Variants in LYPD6 observed in about 807,000 individuals in gnomAD.
LYPD6 encodes LY6/PLAUR domain containing 6, also known as ly6/PLAUR domain-containing protein 6.
In LYPD6, 15 loss-of-function variants were observed where a neutral mutation model predicts 22.7. The observed-to-expected ratio is 0.66, with a 90% confidence interval of 0.44 to 1.02. The LOEUF is 1.02. Among genes scored for constraint, LYPD6 ranks in the 50% least tolerant of loss-of-function variants. The pLI, the probability that LYPD6 is intolerant of heterozygous loss-of-function variation, is 0.00. For missense variants in LYPD6, 189 were observed against 208.4 expected, an observed-to-expected ratio of 0.91 and a Z score of 0.57; for synonymous variants, 72 against 77.5, an observed-to-expected ratio of 0.93 and a Z score of 0.37.
chr2:149,458,136 C>T (rs569692155), intron 3 of LYPD6, among the ~76,000 whole-genome samples: 1 of 152,186 alleles, frequency 6.6e-6, no homozygotes. Flanking sequence ...TGACTTCATC[C>T]TCAATAGGCT....
intron 1 of LYPD6, among the ~76,000 whole-genome samples, chr2:149,400,922 AG>A (rs955819419): frequency 2.8e-4 from 42 of 152,358 alleles, no homozygotes; most frequent in Middle Eastern, 6.8e-3. Context: ...AGCTGAAAGC[AG>A]GTATGAAAGC....
At chr2:149,453,000 A>G (rs1262270589) in intron 3 of LYPD6, among the ~76,000 whole-genome samples, 1 of 152,126 alleles carries the variant, frequency 6.6e-6, no homozygotes, top group Non-Finnish European at 1.5e-5. Context: ...TCATAGTACT[A>G]TACTCCCTTC....
chr2:149,385,361 A>C (rs1682160823), intron 1 of LYPD6, among the ~76,000 whole-genome samples: 1 of 152,172 alleles, frequency 6.6e-6, no homozygotes, highest in African/African-American at 2.4e-5. Context: ...CAAGAGGACA[A>C]ACCCAGCAAG....
rs113904092 is a variant in LYPD6, at chr2:149,389,408, C to T, written c.-71-48230C>T. ...AAATTTTGTGGCATAAAAACAGTCA[C>T]AGCTAGGCATGGAACTGGTTTCAGG... On this transcript the variant is annotated intron_variant, in intron 1 of 4. Transcript: ENST00000334166. Among the ~76,000 whole-genome samples, 132 of 152,220 alleles carry T rather than the reference C, an allele frequency of 8.7e-4. 1 individual carries two copies. The highest frequency in any genetic ancestry group is 3.1e-3 in the African/African-American group (128 of 41,540).
At chr2:149,405,650 G>A (rs1032091664) in intron 1 of LYPD6, among the ~76,000 whole-genome samples, 2 of 152,084 alleles carry the variant, frequency 1.3e-5, no homozygotes, top group Non-Finnish European at 2.9e-5. Context: ...CTTGCTAGTG[G>A]TCTATCAATT....
chr2:149,448,704 G>T (rs1683741875), intron 2 of LYPD6, among the ~76,000 whole-genome samples: 1 of 152,176 alleles, frequency 6.6e-6, no homozygotes, highest in Non-Finnish European at 1.5e-5. Flanking sequence ...AGTAGTAATA[G>T]TTCATTCCTT....
intron 2 of LYPD6, 78 bp from the exon 3 acceptor site, chr2:149,448,966 TTAAAA>T: frequency 1.8e-6 from 2 of 1,105,184 alleles, no homozygotes; most frequent in Non-Finnish European, 2.6e-6. Context: ...AATCCTTTCT[TTAAAA>T]TAATGAAAAT....
intron 1 of LYPD6, among the ~76,000 whole-genome samples, chr2:149,352,820 T>A (rs1681383550): frequency 6.6e-6 from 1 of 152,252 alleles, no homozygotes; most frequent in African/African-American, 2.4e-5. Flanking sequence ...TGTAAAATCC[T>A]TTTTAATTTT....
intron 1 of LYPD6, among the ~76,000 whole-genome samples, chr2:149,407,166 G>T (rs547542806): frequency 3.3e-5 from 5 of 152,158 alleles, no homozygotes; most frequent in Non-Finnish European, 7.3e-5. Context: ...GCCCTTAACA[G>T]TTTTTCCTTC....
chr2:149,382,543 C>CTGAAA (rs1682089824), intron 1 of LYPD6, among the ~76,000 whole-genome samples: 1 of 152,090 alleles, frequency 6.6e-6, no homozygotes, highest in Non-Finnish European at 1.5e-5. Flanking sequence ...GATTCTGTGG[C>CTGAAA]CCTATATCAT....
chr2:149,332,172 C>T (rs1281820646), intron 1 of LYPD6, among the ~76,000 whole-genome samples: 2 of 152,202 alleles, frequency 1.3e-5, no homozygotes, highest in African/African-American at 4.8e-5. Context: ...AGGCACCAGA[C>T]TGAAATAAGA....
chr2:149,469,315 A>G lies in LYPD6; in HGVS notation c.348+540A>G, dbSNP rs1432763771. 3.3e-5 allele frequency among the ~76,000 whole-genome samples: 5 copies of G among 152,154 alleles called. No individual in the cohort carries two copies. The East Asian group carries it at 9.6e-4, about 29-fold the overall frequency. On this transcript the variant is annotated intron_variant, in intron 4 of 4. Coordinates refer to ENST00000334166, the MANE Select transcript of LYPD6 (RefSeq NM_194317.5). ...TGTAGAAGCCTGTATACGGAAACAC[A>G]TGGTGCCTATGTACAGAAGCACTCA...
chr2:149,450,242 G>C (rs1462803756), intron 3 of LYPD6, among the ~76,000 whole-genome samples: 2 of 152,130 alleles, frequency 1.3e-5, no homozygotes, highest in African/African-American at 4.8e-5. Flanking sequence ...ATAGATTTCT[G>C]CTCCCACCCA....
At chr2:149,444,694 C>A (rs1242998069) in intron 2 of LYPD6, among the ~76,000 whole-genome samples, 1 of 152,066 alleles carries the variant, frequency 6.6e-6, no homozygotes, top group African/African-American at 2.4e-5. Context: ...ACTCCTCATT[C>A]ACTTAACTTC....
At chr2:149,439,079 T>G (rs983857477) in intron 2 of LYPD6, among the ~76,000 whole-genome samples, 4 of 152,226 alleles carry the variant, frequency 2.6e-5, no homozygotes, top group Non-Finnish European at 5.9e-5. Context: ...TGTAAAACAC[T>G]AGGCCTATAC....
intron 1 of LYPD6, among the ~76,000 whole-genome samples, chr2:149,394,540 G>GT (rs1377350623): frequency 1.3e-5 from 2 of 151,964 alleles, no homozygotes; most frequent in Non-Finnish European, 2.9e-5. Flanking sequence ...AATAAAATTT[G>GT]TTTTTTTGAT....
At chr2:149,443,380 C>T (rs937568401) in intron 2 of LYPD6, among the ~76,000 whole-genome samples, 1 of 152,112 alleles carries the variant, frequency 6.6e-6, no homozygotes, top group Non-Finnish European at 1.5e-5. Context: ...AAATTGGATG[C>T]CCCAGTGAAT....
intron 3 of LYPD6, among the ~76,000 whole-genome samples, chr2:149,460,508 AG>A: frequency 6.6e-6 from 1 of 152,290 alleles, no homozygotes; most frequent in South Asian, 2.1e-4. Context: ...TATAAAGGAA[AG>A]GAGGAATAGA....
chr2:149,337,638 A>T (rs1386448488), intron 1 of LYPD6, among the ~76,000 whole-genome samples: 3 of 152,108 alleles, frequency 2.0e-5, no homozygotes, highest in Non-Finnish European at 4.4e-5. Flanking sequence ...CTTTAAAAAA[A>T]AAACTTATAT....
Sources: allele counts gnomAD v4.1 joint callset (sites outside exome capture counted in the v4.1 genomes callset), GRCh38; gene constraint gnomAD v4.1.1; transcripts MANE v1.5; gene names NCBI Gene and HGNC (gene_info 2026-07-23, HGNC 2026-07-21).